SNAPC4: variants seen among roughly 807,000 people sequenced by gnomAD.
SNAPC4 encodes small nuclear RNA activating complex polypeptide 4, also known as snRNA-activating protein complex subunit 4.
SNAPC4 carries 127 observed loss-of-function variants against 151.3 expected under a neutral mutation model. The ratio of observed to expected loss-of-function variants is 0.84; its 90% CI spans 0.73 to 0.97. The LOEUF is 0.97. Among genes scored for constraint, SNAPC4 ranks in the 50% least tolerant of loss-of-function variants. SNAPC4 has a pLI of 0.00. For missense variants in SNAPC4, 2,186 were observed against 1,935.0 expected (o/e 1.13, Z -2.43); for synonymous variants, 1,002 against 824.4 (o/e 1.22, Z -3.69).
intron 3 of SNAPC4, among the ~76,000 whole-genome samples, chr9:136,396,775 G>A (rs1259023042): frequency 3.3e-5 from 5 of 152,222 alleles, no homozygotes; most frequent in Non-Finnish European, 5.9e-5. Context: ...CCCAAGGGGT[G>A]TGATCACCAA....
rs762355225 is a variant in SNAPC4, at chr9:136,394,893, G to A, written c.472-15C>T. 51 of 1,611,824 alleles carry A rather than the reference G, an allele frequency of 3.2e-5. No individual in the cohort carries two copies. Among genetic ancestry groups the A allele is most frequent in the Admixed American group, 2.8e-4 (17 of 59,962 alleles). ...GCAGGTGGCCCCTGTCAGGGTGCACGGCATCACCACAAGCACAGGCCACAT... is the reference window on the plus strand; with the variant it reads ...GCAGGTGGCCCCTGTCAGGGTGCACAGCATCACCACAAGCACAGGCCACAT... On this transcript the variant is annotated splice_polypyrimidine_tract_variant and intron_variant, in intron 5 of 23. Transcript: ENST00000684778.
chr9:136,392,167 G>A (rs1834100705), intron 9 of SNAPC4, 61 bp from the exon 10 acceptor site: 1 of 1,591,328 alleles, frequency 6.3e-7, no homozygotes, highest in African/African-American at 1.3e-5. Flanking sequence ...CCTAGACGCA[G>A]CTCCAGGCTG....
At chr9:136,393,470 A>G (rs1834152101) in intron 7 of SNAPC4, among the ~76,000 whole-genome samples, 1 of 152,210 alleles carries the variant, frequency 6.6e-6, no homozygotes, top group African/African-American at 2.4e-5. Flanking sequence ...GTCTTTGACC[A>G]AAGTCATCAG....
Position 136,380,834 on chromosome 9 carries a change from G to GT in SNAPC4, c.2404dup (p.Thr802AsnfsTer238). The GT allele has an allele frequency of 6.2e-7, 1 of 1,606,694 alleles. No homozygotes were observed. The highest frequency in any genetic ancestry group is 1.1e-5 in the South Asian group (1 of 90,980). ...TCGGACGACCTCCAAGCAGCCGGCA[G>GT]TATCGATGTGGAACAGCTGCGGGAC... On this transcript the variant is annotated frameshift_variant, in exon 20 of 24. Transcript: ENST00000684778. LOFTEE classifies it high-confidence loss of function.
chr9:136,394,751 G>A, intron 6 of SNAPC4, 49 bp downstream of exon 6: 1 of 1,516,246 alleles, frequency 6.6e-7, no homozygotes, highest in Non-Finnish European at 9.1e-7. Flanking sequence ...AGGGCCATGG[G>A]GAGGTGTCCC....
chr9:136,389,818 T>C (rs1294820162), intron 10 of SNAPC4, among the ~76,000 whole-genome samples: 3 of 152,024 alleles, frequency 2.0e-5, no homozygotes, highest in Admixed American at 1.3e-4. Flanking sequence ...CAAAGGGGGC[T>C]GGAGGGTGGC....
chr9:136,385,703 C>A (rs1308846391), intron 13 of SNAPC4, among the ~76,000 whole-genome samples: 1 of 151,882 alleles, frequency 6.6e-6, no homozygotes, highest in African/African-American at 2.4e-5. Flanking sequence ...TTACAGGTGC[C>A]CACCACCATG....
In SNAPC4 at chr9:136,388,427, G is replaced by A; in HGVS notation, c.1123+17C>T. 1 of 1,609,942 alleles carries A rather than the reference G, an allele frequency of 6.2e-7. No individual in the cohort carries two copies. Among genetic ancestry groups the A allele is most frequent in the Non-Finnish European group, 8.5e-7 (1 of 1,177,364 alleles). ...CCCTGTGACAGCCTGAGAGCCGTCG[G>A]GGTGGAGGGGCCTCACTTCTGCGGT... On this transcript the variant is annotated intron_variant, in intron 11 of 23. Transcript: ENST00000684778.
At chr9:136,388,176 A>G (rs1389880176) in intron 11 of SNAPC4, among the ~76,000 whole-genome samples, 1 of 151,886 alleles carries the variant, frequency 6.6e-6, no homozygotes, top group East Asian at 1.9e-4. Flanking sequence ...CTGAGGCACG[A>G]GAATCGCTTG....
chr9:136,398,602 T>C, intron 1 of SNAPC4, 165 bp from the exon 2 acceptor site: 1 of 736,874 alleles, frequency 1.4e-6, no homozygotes, highest in Non-Finnish European at 2.2e-6. Context: ...CGGGGAACCC[T>C]GGGACAGGAA....
chr9:136,378,620 C>A lies in SNAPC4; in HGVS notation c.3207G>T (p.Ala1069=), dbSNP rs1321717295. Residue 1069 remains alanine, a synonymous_variant, in exon 22 of 24, where the codon GCG becomes GCT. Transcript: ENST00000684778. Reference sequence around the variant, plus strand: ...AGGTGACAGGCAGGGGGACACTGGTCGCCACATGTGGCCCTCCTATGTGCG... The same window carrying A: ...AGGTGACAGGCAGGGGGACACTGGTAGCCACATGTGGCCCTCCTATGTGCG... ...SLTHIGGPHV[A]TSVPLPVTWV... is the part of the protein sequence containing the mutation. 6.4e-7 allele frequency: 1 copy of A among 1,564,918 alleles called. No individual in the cohort carries two copies. The highest frequency in any genetic ancestry group is 8.6e-7 in the Non-Finnish European group (1 of 1,158,268).
At chr9:136,384,899 G>A in intron 13 of SNAPC4, 85 bp from the exon 14 acceptor site, 1 of 697,124 alleles carries the variant, frequency 1.4e-6, no homozygotes, top group South Asian at 1.7e-5. Flanking sequence ...TGGTTTCTTG[G>A]ATATGACACT....
At position 136,378,823 on chromosome 9, in the gene SNAPC4, C is replaced by G; in HGVS notation, c.3004G>C (p.Ala1002Pro). 6.3e-7 allele frequency: 1 copy of G among 1,597,016 alleles called. No homozygotes were observed. Among genetic ancestry groups the G allele is most frequent in the Non-Finnish European group, 8.5e-7 (1 of 1,171,698 alleles). ...VFSEAEGTAPAASQAPALGPG... is the reference protein window; with the variant it reads ...VFSEAEGTAPPASQAPALGPG... ...CCCAGGGCAGGGGCTTGGGAAGCAG[C>G]AGGGGCTGTGCCCTCGGCCTCTGAG... Residue 1002 changes from alanine (A) to proline (P), a missense_variant, in exon 22 of 24, where the codon GCT (alanine) becomes CCT (proline). Coordinates refer to ENST00000684778, the MANE Select transcript of SNAPC4 (RefSeq NM_003086.4).
At chr9:136,396,573 C>T (rs780202914) in intron 3 of SNAPC4, among the ~76,000 whole-genome samples, 1 of 152,206 alleles carries the variant, frequency 6.6e-6, no homozygotes, top group Non-Finnish European at 1.5e-5. Flanking sequence ...CGTGCCACTG[C>T]ACCAGCTAAT....
rs1366573231 is a variant in SNAPC4, at chr9:136,375,653, ACAGT to A, written c.*151_*154del. 3.3e-5 allele frequency: 5 copies of A among 152,342 alleles called. No individual in the cohort carries two copies. Among genetic ancestry groups the A allele is most frequent in the African/African-American group, 9.6e-5 (4 of 41,464 alleles). The allele number at this position is 152,342 out of a possible 1,614,324, so 9.4% of individuals were successfully genotyped here. Reference sequence around the variant, plus strand: ...GGGGAACAGCCATGCTCCATGCCACACAGTCAGTCGGCAGGCCCGCCTCTGTTCA... The same window carrying A: ...GGGGAACAGCCATGCTCCATGCCACACAGTCGGCAGGCCCGCCTCTGTTCA... On this transcript the variant is annotated 3_prime_UTR_variant, in exon 24 of 24. Transcript: ENST00000684778.
chr9:136,380,679 C>T, intron 20 of SNAPC4, 61 bp downstream of exon 20: 1 of 969,504 alleles, frequency 1.0e-6, no homozygotes, highest in South Asian at 1.4e-5. Flanking sequence ...TCCGTGGAAA[C>T]CCACTCCAAC....
chr9:136,379,795 A>G (rs1314212497), intron 21 of SNAPC4, 42 bp downstream of exon 21: 1 of 1,599,926 alleles, frequency 6.3e-7, no homozygotes, highest in South Asian at 1.1e-5. Flanking sequence ...CGCCAGGGCC[A>G]GGTTAGGTCT....
intron 13 of SNAPC4, among the ~76,000 whole-genome samples, chr9:136,387,018 T>A (rs1833912331): frequency 6.6e-6 from 1 of 152,368 alleles, no homozygotes; most frequent in Middle Eastern, 3.4e-3. Context: ...GTACTGGGAT[T>A]ACAGGCGTGA....
In SNAPC4 at chr9:136,388,686, G is replaced by A. The variant is rs55827821; in HGVS notation, c.976-95C>T. 408 of 1,479,608 alleles carry A rather than the reference G, an allele frequency of 2.8e-4. No individual in the cohort carries two copies. The African/African-American group carries it at 5.2e-3, about 19-fold the overall frequency. 91.7% of individuals were successfully genotyped at this position (1,479,608 alleles called of 1,614,324 possible). A position where few individuals can be genotyped will look rare whatever the true frequency, so the allele number is the denominator to read the frequency against. On this transcript the variant is annotated intron_variant, in intron 10 of 23. Coordinates refer to ENST00000684778, the MANE Select transcript of SNAPC4 (RefSeq NM_003086.4). ...CCCCAGGGCACAGGTGGGCCCATGA[G>A]CCACTGGGGTGACCCTTCTGCAGAC...
Sources: allele counts gnomAD v4.1 joint callset (sites outside exome capture counted in the v4.1 genomes callset), GRCh38; gene constraint gnomAD v4.1.1; transcripts MANE v1.5; gene names NCBI Gene and HGNC (gene_info 2026-07-23, HGNC 2026-07-21).